The following C10orf67 variants were observed in gnomAD, a reference collection of about 807,000 sequenced individuals.
The protein encoded by C10orf67 is chromosome 10 open reading frame 67.
Under a neutral mutation model 35.6 loss-of-function variants are expected in C10orf67, and 60 were observed. That is an observed-to-expected ratio of 1.68 (90% CI 1.37 to 2.09). The LOEUF (loss-of-function observed/expected upper bound fraction) is 2.09. Among genes scored for constraint, C10orf67 ranks in the 30% most tolerant of loss-of-function variants. C10orf67 has a pLI of 0.00. For synonymous variants in C10orf67, 167 were observed against 115.8 expected, an observed-to-expected ratio of 1.44 and a Z score of -2.84; for missense variants, 474 against 330.2, an observed-to-expected ratio of 1.44 and a Z score of -3.38.
chr10:23,327,184 T>C (rs1845234580), intron 2 of C10orf67, among the ~76,000 whole-genome samples: 1 of 150,534 alleles, frequency 6.6e-6, no homozygotes, highest in African/African-American at 2.4e-5. Flanking sequence ...CATTGGAGAG[T>C]AGGGAAGGAG....
At chr10:23,224,762 G>A (rs1204938646) in intron 13 of C10orf67, among the ~76,000 whole-genome samples, 4 of 152,132 alleles carry the variant, frequency 2.6e-5, no homozygotes, top group Admixed American at 2.0e-4. Context: ...TCGATCAAAT[G>A]GAAGAAAAAG....
At chr10:23,215,001 C>T (rs1225678867) in intron 15 of C10orf67, among the ~76,000 whole-genome samples, 11 of 151,932 alleles carry the variant, frequency 7.2e-5, no homozygotes, top group African/African-American at 2.2e-4. Context: ...CCAGCCTGGG[C>T]GACAGACCAA....
intron 3 of C10orf67, 101 bp downstream of exon 3, chr10:23,322,293 T>A (rs1333990938): frequency 7.9e-6 from 10 of 1,264,510 alleles, no homozygotes; most frequent in South Asian, 3.0e-5. Flanking sequence ...CTAATGCAAA[T>A]TACACTGCCC....
intron 13 of C10orf67, among the ~76,000 whole-genome samples, chr10:23,232,022 A>T (rs1391674354): frequency 6.6e-6 from 1 of 152,174 alleles, no homozygotes; most frequent in Non-Finnish European, 1.5e-5. Context: ...AATTAAGAAA[A>T]AATTAGAGCA....
At chr10:23,233,980 C>T (rs1472494675) in intron 13 of C10orf67, among the ~76,000 whole-genome samples, 2 of 152,186 alleles carry the variant, frequency 1.3e-5, no homozygotes, top group African/African-American at 4.8e-5. Flanking sequence ...CACATAGTTT[C>T]AGTTTGCCAA....
intron 13 of C10orf67, among the ~76,000 whole-genome samples, chr10:23,228,169 A>T (rs1250690893): frequency 6.6e-6 from 1 of 152,216 alleles, no homozygotes; most frequent in Non-Finnish European, 1.5e-5. Flanking sequence ...TGGAGGCATC[A>T]CACTACCTGA....
intron 1 of C10orf67, among the ~76,000 whole-genome samples, chr10:23,341,437 T>C (rs894483587): frequency 6.6e-6 from 1 of 152,210 alleles, no homozygotes; most frequent in African/African-American, 2.4e-5. Flanking sequence ...TACCCCATGG[T>C]CATCTTCCAT....
chr10:23,340,478 C>T (rs1720499165), intron 1 of C10orf67, among the ~76,000 whole-genome samples: 1 of 152,132 alleles, frequency 6.6e-6, no homozygotes, highest in African/African-American at 2.4e-5. Flanking sequence ...TGTGACCATA[C>T]CACTGCACTC....
chr10:23,243,985 G>C (rs1327130586), intron 12 of C10orf67, among the ~76,000 whole-genome samples: 1 of 152,172 alleles, frequency 6.6e-6, no homozygotes, highest in Non-Finnish European at 1.5e-5. Flanking sequence ...TTGACCTCGT[G>C]GGTCCAGGCA....
At chr10:23,272,618 T>C (rs1357049862) in intron 8 of C10orf67, among the ~76,000 whole-genome samples, 2 of 152,244 alleles carry the variant, frequency 1.3e-5, no homozygotes, top group African/African-American at 4.8e-5. Context: ...GAATCAGGCA[T>C]GTGCATCTTC....
At position 23,267,008 on chromosome 10, in the gene C10orf67, G is replaced by A. The variant is rs1010463715; in HGVS notation, c.1035+187C>T. On this transcript the variant is annotated intron_variant, in intron 9 of 15. Transcript: ENST00000636213. ...AATCCTCCTGCCTCGGCCTCCTAAA[G>A]TACTAGGATTATAGGCATGAGCCAC... 2.6e-5 allele frequency among the ~76,000 whole-genome samples: 4 copies of A among 152,132 alleles called. No individual in the cohort carries two copies. The South Asian group carries it at 6.2e-4, about 24-fold the overall frequency.
intron 8 of C10orf67, among the ~76,000 whole-genome samples, chr10:23,279,130 T>C (rs1449375473): frequency 6.6e-6 from 1 of 152,214 alleles, no homozygotes; most frequent in East Asian, 1.9e-4. Flanking sequence ...GTGAAGGCTA[T>C]GCAGGACTAA....
rs749460202 is a variant in C10orf67, at chr10:23,322,404, T to C, written c.461A>G (p.His154Arg). The C allele has an allele frequency of 6.2e-7, 1 of 1,609,468 alleles. No homozygotes were observed. Residue 154 changes from histidine to arginine, a missense_variant, in exon 3 of 16, where the codon CAT (histidine) becomes CGT (arginine). His to Arg is a conservative substitution (Grantham distance 29). Coordinates refer to ENST00000636213, the MANE Select transcript of C10orf67 (RefSeq NM_001371909.1). ...TAAGAGAACATTTACCTGTTGATAA[T>C]GCTTTTCAATTTCTAGGATCCTGTC... ...LHDRILEIEK[H>R]YQQNEDKMRK...
At chr10:23,242,824 G>C (rs1416590088) in intron 12 of C10orf67, among the ~76,000 whole-genome samples, 1 of 151,550 alleles carries the variant, frequency 6.6e-6, no homozygotes, top group Admixed American at 6.6e-5. Flanking sequence ...AAAAAGGAGA[G>C]AAGAAGAAAT....
intron 8 of C10orf67, among the ~76,000 whole-genome samples, chr10:23,273,765 G>A (rs529249281): frequency 6.6e-6 from 1 of 152,298 alleles, no homozygotes; most frequent in African/African-American, 2.4e-5. Flanking sequence ...GGCATATATT[G>A]CCAGTTCCTT....
At chr10:23,207,480 A>G (rs1393849501) in intron 15 of C10orf67, among the ~76,000 whole-genome samples, 3 of 152,258 alleles carry the variant, frequency 2.0e-5, no homozygotes. Context: ...AATCGACTGT[A>G]CTAAACCATC....
At chr10:23,277,244 A>T (rs1259504895) in intron 8 of C10orf67, among the ~76,000 whole-genome samples, 2 of 152,178 alleles carry the variant, frequency 1.3e-5, no homozygotes, top group African/African-American at 4.8e-5. Context: ...AGGAAGCCAA[A>T]TACTAAAGAA....
chr10:23,287,229 T>C (rs1377815216), intron 7 of C10orf67, among the ~76,000 whole-genome samples: 3 of 152,142 alleles, frequency 2.0e-5, no homozygotes, highest in African/African-American at 7.2e-5. Context: ...CAAACTATAC[T>C]ACAAGGTTAC....
At chr10:23,344,390 C>T in intron 1 of C10orf67, 179 bp downstream of exon 1, 2 of 654,248 alleles carry the variant, frequency 3.1e-6, no homozygotes, top group Non-Finnish European at 5.2e-6. Flanking sequence ...CCCAAGCCAC[C>T]CCGCTGCGCT....
Sources: allele counts gnomAD v4.1 joint callset (sites outside exome capture counted in the v4.1 genomes callset), GRCh38; gene constraint gnomAD v4.1.1; transcripts MANE v1.5; gene names NCBI Gene and HGNC (gene_info 2026-07-23, HGNC 2026-07-21).